CNTNAP5: variants seen among roughly 807,000 people sequenced by gnomAD.
The protein encoded by CNTNAP5 is contactin associated protein family member 5, also known as contactin-associated protein-like 5.
A neutral mutation model predicts 150.2 loss-of-function variants in CNTNAP5; 72 were observed. The ratio of observed to expected loss-of-function variants is 0.48; its 90% CI spans 0.40 to 0.58. The LOEUF is 0.58. Among genes scored for constraint, CNTNAP5 ranks in the 20% least tolerant of loss-of-function variants. CNTNAP5 has a pLI of 0.00. For synonymous variants in CNTNAP5, 672 were observed against 619.8 expected (o/e 1.08, Z -1.25); for missense variants, 1,636 against 1,626.2 (o/e 1.01, Z -0.10).
rs1303799796 is a variant in CNTNAP5 at position 124,446,758 on chromosome 2, A to G, written c.739A>G (p.Ser247Gly). 6.2e-7 allele frequency: 1 copy of G among 1,613,026 alleles called. No individual in the cohort carries two copies. Among genetic ancestry groups the G allele is most frequent in the African/African-American group, 1.3e-5 (1 of 74,888 alleles). ...RLALHLNLGD[S>G]KARLSSSLPS... Reference sequence around the variant, plus strand: ...CCTCTCTCCCCTCTTCACAGGTGACAGCAAAGCGCGGCTCAGCAGCAGCTT... The same window carrying G: ...CCTCTCTCCCCTCTTCACAGGTGACGGCAAAGCGCGGCTCAGCAGCAGCTT... Residue 247 changes from serine to glycine, a missense_variant, in exon 6 of 24, where the codon AGC becomes GGC. Transcript: ENST00000682447.
intron 1 of CNTNAP5, among the ~76,000 whole-genome samples, chr2:124,112,032 G>A (rs1347896684): frequency 6.6e-6 from 1 of 152,152 alleles, no homozygotes; most frequent in Non-Finnish European, 1.5e-5. Flanking sequence ...GGAATCTTGT[G>A]CTGCTCAGAA....
chr2:124,850,308 A>T (rs1683129272), intron 19 of CNTNAP5, among the ~76,000 whole-genome samples: 1 of 152,202 alleles, frequency 6.6e-6, no homozygotes, highest in Non-Finnish European at 1.5e-5. Flanking sequence ...TACTGGATAA[A>T]ATGGGTTCTA....
At position 124,900,945 on chromosome 2, in the gene CNTNAP5, C is replaced by T. The variant is rs141409523; in HGVS notation, c.3437-1937C>T. Among the ~76,000 whole-genome samples the T allele has an allele frequency of 7.9e-4, 120 of 151,650 alleles. 1 individual carries two copies. Among genetic ancestry groups the T allele is most frequent in the Middle Eastern group, 3.4e-3 (1 of 294 alleles). ...GTGCCACCAGCAAAAAACATCTAGT[C>T]CATTAAAGTTTTTTGTGAGATGCTT... is the stretch of plus-strand genomic sequence containing the variant. On this transcript the variant is annotated intron_variant, in intron 21 of 23. Transcript: ENST00000682447.
At chr2:124,104,783 C>A (rs1683139397) in intron 1 of CNTNAP5, among the ~76,000 whole-genome samples, 1 of 152,144 alleles carries the variant, frequency 6.6e-6, no homozygotes, top group African/African-American at 2.4e-5. Context: ...GCACTAGTTC[C>A]ACTCCATGAC....
chr2:124,791,259 C>G (rs73955822), intron 18 of CNTNAP5, among the ~76,000 whole-genome samples: 2 of 152,120 alleles, frequency 1.3e-5, no homozygotes, highest in Admixed American at 6.5e-5. Flanking sequence ...CATACAGGGG[C>G]CTTCTCCTGA....
intron 10 of CNTNAP5, among the ~76,000 whole-genome samples, chr2:124,531,163 A>C (rs543233245): frequency 6.6e-6 from 1 of 152,152 alleles, no homozygotes. Flanking sequence ...TTAGATTCTC[A>C]TAAGGAGTGT....
intron 13 of CNTNAP5, among the ~76,000 whole-genome samples, chr2:124,698,028 G>A (rs1679438710): frequency 6.6e-6 from 1 of 152,040 alleles, no homozygotes; most frequent in African/African-American, 2.4e-5. Context: ...GGTATATGAT[G>A]GGGCCACATC....
chr2:124,894,643 T>C, intron 21 of CNTNAP5, among the ~76,000 whole-genome samples: 1 of 150,890 alleles, frequency 6.6e-6, no homozygotes, highest in East Asian at 2.0e-4. Context: ...AGCCTCGACC[T>C]CCAAGTTTCA....
chr2:124,680,690 A>G (rs894656078), intron 13 of CNTNAP5: 6 of 151,786 alleles, frequency 4.0e-5, no homozygotes, highest in African/African-American at 9.7e-5. Context: ...TGGTCATTCA[A>G]TTTGCAATAT....
At chr2:124,175,975 G>C (rs1259996375) in intron 1 of CNTNAP5, among the ~76,000 whole-genome samples, 2 of 152,134 alleles carry the variant, frequency 1.3e-5, no homozygotes, top group South Asian at 4.1e-4. Flanking sequence ...AGGATTACTG[G>C]GTCATGTGTG....
intron 21 of CNTNAP5, among the ~76,000 whole-genome samples, chr2:124,882,594 G>A (rs1006145955): frequency 1.7e-4 from 26 of 152,210 alleles, no homozygotes; most frequent in African/African-American, 5.3e-4. Context: ...TCTGTCTAGC[G>A]TATGCAGAGA....
intron 3 of CNTNAP5, among the ~76,000 whole-genome samples, chr2:124,383,676 T>C (rs951800355): frequency 3.3e-5 from 5 of 152,214 alleles, no homozygotes; most frequent in African/African-American, 1.2e-4. Context: ...GCAAGGCTAT[T>C]ATGAAGGAGA....
At chr2:124,432,266 G>T (rs1015398082) in intron 4 of CNTNAP5, among the ~76,000 whole-genome samples, 1 of 152,166 alleles carries the variant, frequency 6.6e-6, no homozygotes, top group African/African-American at 2.4e-5. Context: ...GTCTCAGCTT[G>T]CAAGAAATGC....
At chr2:124,093,888 G>A (rs1682871752) in intron 1 of CNTNAP5, among the ~76,000 whole-genome samples, 1 of 152,158 alleles carries the variant, frequency 6.6e-6, no homozygotes, top group African/African-American at 2.4e-5. Context: ...TTAAAGCCAA[G>A]TTTGGAAATT....
At chr2:124,514,559 G>A (rs1694662731) in intron 8 of CNTNAP5, among the ~76,000 whole-genome samples, 1 of 152,146 alleles carries the variant, frequency 6.6e-6, no homozygotes. Flanking sequence ...CTGGGAAGGA[G>A]GCACTGCCTT....
chr2:124,772,902 G>A lies in CNTNAP5; in HGVS notation c.2637G>A (p.Arg879=), dbSNP rs1401284991. 6.2e-7 allele frequency: 1 copy of A among 1,613,574 alleles called. No homozygotes were observed. Among genetic ancestry groups the A allele is most frequent in the East Asian group, 2.2e-5 (1 of 44,806 alleles). Residue 879 remains arginine (R), a synonymous_variant, in exon 17 of 24, where the codon CGG becomes CGA. Transcript: ENST00000682447. ...ATGACAACCAATGGCACTATGTCCG[G>A]GCTGAGAGGAACCTCAAGGAGACCT... ...LLNDNQWHYV[R]AERNLKETSL...
At chr2:124,699,949 A>C (rs1679485538) in intron 13 of CNTNAP5, among the ~76,000 whole-genome samples, 1 of 152,108 alleles carries the variant, frequency 6.6e-6, no homozygotes, top group Non-Finnish European at 1.5e-5. Flanking sequence ...CCACTATGTG[A>C]TCTTAAATAC....
chr2:124,063,165 C>T (rs1233152011), intron 1 of CNTNAP5, among the ~76,000 whole-genome samples: 1 of 151,960 alleles, frequency 6.6e-6, no homozygotes, highest in Admixed American at 6.6e-5. Flanking sequence ...AACGGAAAAA[C>T]TAATACAGCC....
At chr2:124,197,473 A>G (rs1685615680) in intron 1 of CNTNAP5, among the ~76,000 whole-genome samples, 1 of 152,180 alleles carries the variant, frequency 6.6e-6, no homozygotes, top group Non-Finnish European at 1.5e-5. Flanking sequence ...ACAACAGCTT[A>G]TTTATTTTAT....
Sources: allele counts gnomAD v4.1 joint callset (sites outside exome capture counted in the v4.1 genomes callset), GRCh38; gene constraint gnomAD v4.1.1; transcripts MANE v1.5; gene names NCBI Gene and HGNC (gene_info 2026-07-23, HGNC 2026-07-21).